DOCK10: variants seen among roughly 807,000 people sequenced by gnomAD.
The protein encoded by DOCK10 is dedicator of cytokinesis 10.
A neutral mutation model predicts 280.1 loss-of-function variants in DOCK10; 145 were observed. The ratio of observed to expected loss-of-function variants is 0.52; its 90% CI spans 0.45 to 0.59. The LOEUF is 0.59. DOCK10 is among the 20% of genes least tolerant of loss of function. The pLI, the probability that DOCK10 is intolerant of heterozygous loss-of-function variation, is 0.00. For missense variants in DOCK10, 2,368 were observed against 2,651.7 expected (o/e 0.89, Z 2.35); for synonymous variants, 915 against 942.2 (o/e 0.97, Z 0.53).
intron 31 of DOCK10, among the ~76,000 whole-genome samples, chr2:224,810,710 C>T (rs1177788836): frequency 1.4e-5 from 2 of 144,476 alleles, no homozygotes. Context: ...GTTCAATTTC[C>T]ACCTATGAGT....
chr2:224,787,726 GT>G (rs1318957645), intron 48 of DOCK10, among the ~76,000 whole-genome samples: 3 of 152,110 alleles, frequency 2.0e-5, no homozygotes, highest in African/African-American at 7.2e-5. Context: ...CTGCTCTCCT[GT>G]AATCTTTCTT....
At chr2:225,023,124 C>A (rs1054365281) in intron 1 of DOCK10, among the ~76,000 whole-genome samples, 13 of 152,094 alleles carry the variant, frequency 8.5e-5, no homozygotes, top group Non-Finnish European at 1.9e-4. Context: ...CAACCTCTGC[C>A]TCCCAGGTTC....
At chr2:224,956,524 T>G (rs576073323) in intron 1 of DOCK10, among the ~76,000 whole-genome samples, 3 of 149,364 alleles carry the variant, frequency 2.0e-5, no homozygotes, top group African/African-American at 7.4e-5. Flanking sequence ...CTCAGGAGCC[T>G]GAGGCAGGAG....
intron 7 of DOCK10, among the ~76,000 whole-genome samples, chr2:224,884,491 G>A (rs1699162645): frequency 6.6e-6 from 1 of 152,204 alleles, no homozygotes; most frequent in Admixed American, 6.5e-5. Context: ...TTGCTCCCAT[G>A]ATTACATAAA....
chr2:224,852,923 C>A lies in DOCK10; in HGVS notation c.2076+12G>T. ...AAAAGAAAAGATGATATCTCTGGAA[C>A]TTATATCATACCTTGTTGAAGCATT... is the stretch of plus-strand genomic sequence containing the variant. On this transcript the variant is annotated intron_variant, in intron 17 of 55. Transcript: ENST00000258390. 6.4e-7 allele frequency: 1 copy of A among 1,568,170 alleles called. No homozygotes were observed. The highest frequency in any genetic ancestry group is 1.2e-5 in the South Asian group (1 of 83,966).
At chr2:224,772,801 AC>A (rs1468269969) in intron 53 of DOCK10, among the ~76,000 whole-genome samples, 3 of 152,246 alleles carry the variant, frequency 2.0e-5, no homozygotes, top group Non-Finnish European at 4.4e-5. Flanking sequence ...TTGTTTCAAA[AC>A]AATTTTTTAA....
chr2:224,975,056 CTG>C (rs1705353143), intron 1 of DOCK10, among the ~76,000 whole-genome samples: 1 of 151,534 alleles, frequency 6.6e-6, no homozygotes, highest in Non-Finnish European at 1.5e-5. Flanking sequence ...TTTTTAGACA[CTG>C]TGTATTTTTT....
intron 45 of DOCK10, among the ~76,000 whole-genome samples, chr2:224,794,677 C>T (rs1424285920): frequency 6.6e-6 from 1 of 152,144 alleles, no homozygotes; most frequent in Non-Finnish European, 1.5e-5. Context: ...CTGACTCTGG[C>T]CTTTATTTGA....
intron 1 of DOCK10, chr2:225,010,458 T>C (rs74621291): frequency 0.011 from 1,713 of 153,946 alleles, 32 homozygotes; most frequent in African/African-American, 0.039. Flanking sequence ...AAATTCTGTC[T>C]CCTGGCCTGG....
chr2:224,768,492 G>T (rs3754623), intron 55 of DOCK10, among the ~76,000 whole-genome samples: 24,700 of 151,976 alleles, frequency 0.16, 2,397 homozygotes, highest in East Asian at 0.35. Flanking sequence ...GTCAAGTTTT[G>T]CTTCTTTTAG....
rs1345976024 is a variant in DOCK10 at position 224,805,422 on chromosome 2, C to T, written c.3922G>A (p.Asp1308Asn). 1 of 1,612,740 alleles carries T rather than the reference C, an allele frequency of 6.2e-7. No individual in the cohort carries two copies. The change falls in exon 35 of 56, where the codon GAC (aspartate) becomes AAC (asparagine). Residue 1308 changes from aspartate to asparagine, a missense_variant. By Grantham distance (23) the Asp-to-Asn change is conservative (BLOSUM62 1). Coordinates refer to ENST00000258390, the MANE Select transcript of DOCK10 (RefSeq NM_014689.3). The surrounding 1 kb of genome is among the most constrained non-coding windows in gnomAD (Gnocchi z 4.3). ...GGAAGTCATACCTTTTCACAGTTGT[C>T]CGTCTTCTCACTGCTCTTCTCATTG... ...STNEKSSEKT[D>N]NCEKIPRPLS...
chr2:224,972,845 A>T (rs57462780), intron 1 of DOCK10, among the ~76,000 whole-genome samples: 1 of 152,104 alleles, frequency 6.6e-6, no homozygotes, highest in African/African-American at 2.4e-5. Flanking sequence ...AAAACAGAAG[A>T]AACTGAAAGT....
Position 224,775,220 on chromosome 2 carries a change from C to A in DOCK10, c.5803-105G>T, listed in dbSNP as rs1339083333. On this transcript the variant is annotated intron_variant, in intron 51 of 55. Coordinates refer to ENST00000258390, the MANE Select transcript of DOCK10 (RefSeq NM_014689.3). Reference sequence around the variant, plus strand: ...TGCATCCAGAGGAGGCTGTGCCTCTCCCCTTGGAGAAAAATGGGCAGTCAC... The same window carrying A: ...TGCATCCAGAGGAGGCTGTGCCTCTACCCTTGGAGAAAAATGGGCAGTCAC... 3.0e-6 allele frequency: 3 copies of A among 1,016,202 alleles called. No individual in the cohort carries two copies. In the African/African-American group the frequency reaches 4.8e-5, roughly 16 times the overall value. The allele number at this position is 1,016,202 out of a possible 1,614,324, so 62.9% of individuals were successfully genotyped here. A position where few individuals can be genotyped will look rare whatever the true frequency, so the allele number is the denominator to read the frequency against.
intron 2 of DOCK10, among the ~76,000 whole-genome samples, chr2:224,918,404 TGA>T (rs747305427): frequency 9.4e-5 from 14 of 149,726 alleles, no homozygotes; most frequent in Non-Finnish European, 1.3e-4. Flanking sequence ...TGTGTGTGCA[TGA>T]GAGTGTGTTG....
At chr2:224,904,348 C>A (rs1700468284) in intron 3 of DOCK10, among the ~76,000 whole-genome samples, 2 of 152,034 alleles carry the variant, frequency 1.3e-5, no homozygotes, top group South Asian at 4.1e-4. Context: ...CAAAACAAAA[C>A]CAAAATAAAA....
intron 27 of DOCK10, among the ~76,000 whole-genome samples, chr2:224,825,594 C>T (rs941491663): frequency 6.6e-6 from 1 of 152,242 alleles, no homozygotes; most frequent in Non-Finnish European, 1.5e-5. Context: ...ATTTTCCCCA[C>T]ATGCATATGC....
chr2:224,895,812 GTT>G (rs1491481774), intron 4 of DOCK10, among the ~76,000 whole-genome samples: 2 of 130,668 alleles, frequency 1.5e-5, no homozygotes, highest in African/African-American at 6.1e-5. Context: ...TTTCCTTTTG[GTT>G]GTGTGTGTGT....
chr2:224,913,850 G>A (rs1252600487), intron 3 of DOCK10, among the ~76,000 whole-genome samples: 3 of 151,910 alleles, frequency 2.0e-5, no homozygotes, highest in Admixed American at 2.0e-4. Context: ...GCCTCCCCCT[G>A]CTGAGTAGTT....
chr2:224,818,688 G>A (rs1263289836), intron 29 of DOCK10, among the ~76,000 whole-genome samples: 3 of 152,114 alleles, frequency 2.0e-5, no homozygotes, highest in Non-Finnish European at 1.5e-5. Flanking sequence ...GTGAGCCACC[G>A]CGCCCTGCCA....
Sources: allele counts gnomAD v4.1 joint callset (sites outside exome capture counted in the v4.1 genomes callset), GRCh38; gene constraint gnomAD v4.1.1; non-coding constraint Gnocchi (gnomAD v3.1); transcripts MANE v1.5; gene names NCBI Gene and HGNC (gene_info 2026-07-23, HGNC 2026-07-21).